AFTPH: variants seen among roughly 807,000 people sequenced by gnomAD.
The protein encoded by AFTPH is aftiphilin protein.
A neutral mutation model predicts 72.5 loss-of-function variants in AFTPH; 7 were observed. That is an observed-to-expected ratio of 0.10 (90% confidence interval 0.05 to 0.18). The LOEUF (loss-of-function observed/expected upper bound fraction) is 0.18, where lower values mean the gene tolerates loss of function less well. Ranked by LOEUF, AFTPH falls within the 10% of genes least tolerant of loss-of-function variation. The pLI, the probability that AFTPH is intolerant of heterozygous loss-of-function variation, is 1.00. For synonymous variants in AFTPH, 337 were observed against 370.1 expected (o/e 0.91, Z 1.03); for missense variants, 979 against 1,060.5 (o/e 0.92, Z 1.07).
At chr2:64,561,682 A>C (rs192275692) in intron 2 of AFTPH, among the ~76,000 whole-genome samples, 2 of 152,340 alleles carry the variant, frequency 1.3e-5, no homozygotes, top group African/African-American at 4.8e-5. Flanking sequence ...ATCTCTTAAA[A>C]AGAAAAAAAA....
intron 1 of AFTPH, among the ~76,000 whole-genome samples, chr2:64,549,061 AC>A (rs1670855460): frequency 6.6e-6 from 1 of 152,176 alleles, no homozygotes; most frequent in Admixed American, 6.5e-5. Context: ...TGGGAAAGTT[AC>A]TCACTAGTTG....
rs1671168896 is a variant in AFTPH, at chr2:64,553,427, C to G, written c.1935+18C>G. Reference sequence around the variant, plus strand: ...CAGTTCAGGTATTTACTAATTTTCTCTATTTTGTATGATGTATTAATTGTT... The same window carrying G: ...CAGTTCAGGTATTTACTAATTTTCTGTATTTTGTATGATGTATTAATTGTT... On this transcript the variant is annotated intron_variant, in intron 2 of 8. Transcript: ENST00000238856. 1 of 1,537,736 alleles carries G rather than the reference C, an allele frequency of 6.5e-7. No homozygotes were observed. Among genetic ancestry groups the G allele is most frequent in the African/African-American group, 1.4e-5 (1 of 71,890 alleles).
intron 6 of AFTPH, 105 bp downstream of exon 6, chr2:64,573,173 T>A: frequency 1.2e-6 from 1 of 852,262 alleles, no homozygotes; most frequent in Non-Finnish European, 1.8e-6. Context: ...AAAATATTTG[T>A]AAAGCTTGAT....
chr2:64,572,600 C>T (rs1672506184), intron 5 of AFTPH, among the ~76,000 whole-genome samples: 1 of 152,160 alleles, frequency 6.6e-6, no homozygotes, highest in African/African-American at 2.4e-5. Context: ...TTTAAAACCT[C>T]TGATTTAAAA....
intron 2 of AFTPH, among the ~76,000 whole-genome samples, chr2:64,554,650 A>T (rs3770736): frequency 0.47 from 71,678 of 151,628 alleles, 18,405 homozygotes; most frequent in African/African-American, 0.7. Context: ...CTTTTGTGTC[A>T]AAGTAGTTTA....
At chr2:64,573,105 G>T (rs75307105) in intron 6 of AFTPH, 37 bp downstream of exon 6, 2 of 1,490,802 alleles carry the variant, frequency 1.3e-6, no homozygotes, top group East Asian at 2.3e-5. Context: ...ATGTTTATGC[G>T]TGTATATACA....
intron 2 of AFTPH, among the ~76,000 whole-genome samples, chr2:64,563,074 A>C (rs1352707254): frequency 6.6e-6 from 1 of 152,214 alleles, no homozygotes; most frequent in Non-Finnish European, 1.5e-5. Context: ...CCACCTAATC[A>C]AAACCAGTAG....
chr2:64,585,704 G>A (rs1185820554), intron 8 of AFTPH, among the ~76,000 whole-genome samples, 159 bp downstream of exon 9: 3 of 152,134 alleles, frequency 2.0e-5, no homozygotes, highest in Non-Finnish European at 4.4e-5. Context: ...ATCAAATTAT[G>A]TTTAATTATG....
chr2:64,551,093 A>G (rs1671017670), intron 1 of AFTPH, among the ~76,000 whole-genome samples: 1 of 152,194 alleles, frequency 6.6e-6, no homozygotes, highest in African/African-American at 2.4e-5. Context: ...ACTTAACAGA[A>G]TAAGCACTTA....
chr2:64,585,700 TTA>T (rs1261033133), intron 8 of AFTPH, among the ~76,000 whole-genome samples, 155 bp downstream of exon 9: 1 of 152,204 alleles, frequency 6.6e-6, no homozygotes, highest in Non-Finnish European at 1.5e-5. Context: ...TATTATCAAA[TTA>T]TGTTTAATTA....
intron 7 of AFTPH, 148 bp downstream of exon 7, chr2:64,579,694 A>T: frequency 1.6e-6 from 1 of 642,560 alleles, no homozygotes; most frequent in Non-Finnish European, 2.6e-6. Context: ...CTGAACAGTA[A>T]TTGCTCAAGA....
intron 7 of AFTPH, 87 bp downstream of exon 8, chr2:64,581,360 GTAGATTGTATTCTCTATAATGTCT>G: frequency 9.2e-7 from 1 of 1,088,330 alleles, no homozygotes; most frequent in Non-Finnish European, 1.3e-6. Flanking sequence ...AAGGAAACAA[GTAGATTGTATTCTCTATAATGTCT>G]TTTTAATACT....
At chr2:64,552,559 C>T in exon 2 of AFTPH, 1 of 1,614,118 alleles carries the variant, frequency 6.2e-7, no homozygotes, top group Non-Finnish European at 8.5e-7. Flanking sequence ...GACTTACTTA[C>T]TTCTAAATGT....
At chr2:64,559,421 C>G (rs1017278049) in intron 2 of AFTPH, among the ~76,000 whole-genome samples, 1 of 152,124 alleles carries the variant, frequency 6.6e-6, no homozygotes, top group African/African-American at 2.4e-5. Flanking sequence ...CAGTCTGAGT[C>G]CAAAGCCCTA....
intron 1 of AFTPH, among the ~76,000 whole-genome samples, chr2:64,539,518 T>C (rs143174982): frequency 1.1e-4 from 17 of 152,320 alleles, no homozygotes; most frequent in Middle Eastern, 3.4e-3. Context: ...TTACCTTGAT[T>C]ACATTTGGAT....
intron 2 of AFTPH, among the ~76,000 whole-genome samples, chr2:64,561,519 A>G (rs749387215): frequency 1.3e-5 from 2 of 152,102 alleles, no homozygotes; most frequent in Admixed American, 6.6e-5. Flanking sequence ...TCTACAAAAA[A>G]TAAAAAATAA....
intron 7 of AFTPH, among the ~76,000 whole-genome samples, chr2:64,584,727 G>C (rs1295319541): frequency 6.6e-6 from 1 of 151,240 alleles, no homozygotes; most frequent in Non-Finnish European, 1.5e-5. Flanking sequence ...CTCCTGAGTA[G>C]CTGGGACTAC....
At chr2:64,581,109 TACCCCTTTTTACACATA>T in intron 7 of AFTPH, 64 bp from the exon 8 acceptor site, 1 of 874,178 alleles carries the variant, frequency 1.1e-6, no homozygotes, top group Non-Finnish European at 1.8e-6. Flanking sequence ...GTGTGTGTCT[TACCCCTTTTTACACATA>T]ACCCCTCCTC....
chr2:64,545,871 G>A (rs559513846), intron 1 of AFTPH, among the ~76,000 whole-genome samples: 20 of 151,844 alleles, frequency 1.3e-4, no homozygotes, highest in East Asian at 3.9e-4. Flanking sequence ...AAACACAAAC[G>A]CAAGTTTTTT....
Sources: allele counts gnomAD v4.1 joint callset (sites outside exome capture counted in the v4.1 genomes callset), GRCh38; gene constraint gnomAD v4.1.1; transcripts MANE v1.5; gene names NCBI Gene and HGNC (gene_info 2026-07-23, HGNC 2026-07-21).